Variants in SUPT3H observed in about 807,000 individuals in gnomAD.
SUPT3H encodes transcription initiation protein SPT3 homolog.
SUPT3H carries 44 observed loss-of-function variants against 44.3 expected under a neutral mutation model. The observed-to-expected ratio is 0.99, with a 90% CI of 0.78 to 1.28. The LOEUF is 1.28. Among genes scored for constraint, SUPT3H ranks in the 50% most tolerant of loss-of-function variants. SUPT3H has a pLI of 0.00. For synonymous variants in SUPT3H, 124 were observed against 125.6 expected (o/e 0.99, Z 0.09); for missense variants, 380 against 387.1 (o/e 0.98, Z 0.15).
At chr6:45,122,465 T>C (rs1271468635) in intron 2 of SUPT3H, among the ~76,000 whole-genome samples, 1 of 152,170 alleles carries the variant, frequency 6.6e-6, no homozygotes, top group Non-Finnish European at 1.5e-5. Context: ...AAATAAAATA[T>C]TGATGTTTAA....
intron 2 of SUPT3H, among the ~76,000 whole-genome samples, chr6:45,286,556 C>T (rs961073142): frequency 2.0e-5 from 3 of 152,144 alleles, no homozygotes; most frequent in African/African-American, 7.2e-5. Context: ...CAACTCACAC[C>T]AGTTAGAATG....
chr6:45,022,619 GC>G (rs1419708783), intron 3 of SUPT3H, among the ~76,000 whole-genome samples: 1 of 151,826 alleles, frequency 6.6e-6, no homozygotes, highest in African/African-American at 2.4e-5. Flanking sequence ...TTGGACCTCT[GC>G]CTAGTTAGTA....
chr6:45,124,907 T>G (rs1458454137), intron 2 of SUPT3H, among the ~76,000 whole-genome samples: 1 of 151,542 alleles, frequency 6.6e-6, no homozygotes, highest in African/African-American at 2.4e-5. Context: ...TTACAAAAAG[T>G]GGAAATTTGC....
intron 6 of SUPT3H, among the ~76,000 whole-genome samples, chr6:44,989,935 C>T (rs1780370370): frequency 6.6e-6 from 1 of 152,046 alleles, no homozygotes; most frequent in Non-Finnish European, 1.5e-5. Context: ...ATATTTCTCC[C>T]AACCCACAGG....
intron 7 of SUPT3H, among the ~76,000 whole-genome samples, chr6:44,961,141 C>T (rs997877469): frequency 6.6e-6 from 1 of 152,056 alleles, no homozygotes; most frequent in African/African-American, 2.4e-5. Context: ...CAATCTAGCT[C>T]ACTATTACGA....
chr6:45,123,839 T>C (rs142033227), intron 2 of SUPT3H, among the ~76,000 whole-genome samples: 6 of 152,212 alleles, frequency 3.9e-5, no homozygotes, highest in Non-Finnish European at 5.9e-5. Flanking sequence ...CTAAAACTTA[T>C]GAATGGTCAC....
intron 11 of SUPT3H, among the ~76,000 whole-genome samples, chr6:44,818,379 GAGAA>G (rs1046853409): frequency 1.1e-4 from 16 of 151,950 alleles, no homozygotes; most frequent in Admixed American, 1.0e-3. Context: ...GAAAACATAG[GAGAA>G]AGAAAGCCTT....
At chr6:44,814,834 G>A (rs1581801568) in intron 11 of SUPT3H, among the ~76,000 whole-genome samples, 2 of 151,946 alleles carry the variant, frequency 1.3e-5, no homozygotes, top group Non-Finnish European at 2.9e-5. Context: ...GCGTCACCAC[G>A]CCTGGATAAT....
chr6:45,069,242 T>C (rs151299416), intron 3 of SUPT3H, among the ~76,000 whole-genome samples: 1 of 152,280 alleles, frequency 6.6e-6, no homozygotes, highest in Non-Finnish European at 1.5e-5. Flanking sequence ...CCAATTGTAT[T>C]AGAGGAACCA....
chr6:45,269,764 C>A (rs1276077701), intron 2 of SUPT3H, among the ~76,000 whole-genome samples: 1 of 152,196 alleles, frequency 6.6e-6, no homozygotes, highest in Admixed American at 6.5e-5. Flanking sequence ...GATCATTTAA[C>A]AATTTTATTG....
At chr6:45,005,940 C>A (rs554976699) in intron 5 of SUPT3H, among the ~76,000 whole-genome samples, 10 of 152,006 alleles carry the variant, frequency 6.6e-5, no homozygotes, top group African/African-American at 1.4e-4. Context: ...AAATACAGGT[C>A]GAAGCATATC....
chr6:45,170,033 G>C (rs529119000), intron 2 of SUPT3H, among the ~76,000 whole-genome samples: 2 of 152,294 alleles, frequency 1.3e-5, no homozygotes, highest in South Asian at 4.1e-4. Context: ...CCTGGAGCTT[G>C]CCTTCATACT....
intron 6 of SUPT3H, among the ~76,000 whole-genome samples, chr6:44,973,910 T>G (rs565941229): frequency 6.6e-6 from 1 of 152,256 alleles, no homozygotes; most frequent in African/African-American, 2.4e-5. Context: ...GCCCCCATAA[T>G]TCAATTACCT....
chr6:44,981,863 T>C (rs1037768191), intron 6 of SUPT3H, among the ~76,000 whole-genome samples: 74 of 127,288 alleles, frequency 5.8e-4, no homozygotes, highest in Non-Finnish European at 9.0e-4. Context: ...CATCTCTACA[T>C]GACATGAAAA....
chr6:44,936,976 C>G (rs1771544888), intron 9 of SUPT3H, among the ~76,000 whole-genome samples: 1 of 151,868 alleles, frequency 6.6e-6, no homozygotes, highest in Non-Finnish European at 1.5e-5. Context: ...CCATTCTTTT[C>G]CATTTCTGAA....
intron 9 of SUPT3H, among the ~76,000 whole-genome samples, chr6:44,949,815 G>T (rs1286504708): frequency 1.3e-5 from 2 of 152,192 alleles, no homozygotes; most frequent in Non-Finnish European, 2.9e-5. Context: ...GGAGCAACTG[G>T]AACTCTAATA....
chr6:44,860,707 A>C (rs1311435068), intron 10 of SUPT3H, among the ~76,000 whole-genome samples: 1 of 152,182 alleles, frequency 6.6e-6, no homozygotes, highest in Non-Finnish European at 1.5e-5. Flanking sequence ...CTAATTCCTA[A>C]AAAATTCAAG....
At position 45,098,560 on chromosome 6, in the gene SUPT3H, C is replaced by T. The variant is rs544765933; in HGVS notation, c.186+7362G>A. On this transcript the variant is annotated intron_variant, in intron 3 of 10. Transcript: ENST00000371459. Reference sequence around the variant, plus strand: ...GAGTATAAGAGAGGAGAGGAACATCCATGCAGACATGAGAAGCCTATAGAT... The same window carrying T: ...GAGTATAAGAGAGGAGAGGAACATCTATGCAGACATGAGAAGCCTATAGAT... 219 of 297,832 alleles carry T rather than the reference C, an allele frequency of 7.4e-4. 1 individual carries two copies. The highest frequency in any genetic ancestry group is 1.0e-3 in the Non-Finnish European group (157 of 152,138). The allele number at this position is 297,832 out of a possible 1,614,324, so 18.4% of individuals were successfully genotyped here.
intron 10 of SUPT3H, among the ~76,000 whole-genome samples, chr6:44,909,964 G>T (rs977837845): frequency 6.6e-6 from 1 of 152,158 alleles, no homozygotes. Context: ...GTAGCATAGC[G>T]CTTTTGGAAA....
Sources: gnomAD v4.1 joint callset for allele counts (sites outside exome capture counted in the v4.1 genomes callset) on GRCh38, gnomAD v4.1.1 for gene constraint, MANE v1.5 for transcripts, NCBI Gene and HGNC (gene_info 2026-07-23, HGNC 2026-07-21) for gene names.